ITPR1: variants seen among roughly 807,000 people sequenced by gnomAD.
The protein encoded by ITPR1 is inositol 1,4,5-trisphosphate receptor type 1, also known as inositol 1,4,5-trisphosphate-gated calcium channel ITPR1.
Under a neutral mutation model 318.4 loss-of-function variants are expected in ITPR1, and 96 were observed. The ratio of observed to expected loss-of-function variants is 0.30; its 90% CI spans 0.26 to 0.36. The LOEUF (loss-of-function observed/expected upper bound fraction) is 0.36. Ranked by LOEUF, ITPR1 falls within the 10% of genes least tolerant of loss-of-function variation. ITPR1 has a pLI of 1.00. For synonymous variants in ITPR1, 1,312 were observed against 1,289.9 expected (o/e 1.02, Z -0.37); for missense variants, 2,440 against 3,460.2 (o/e 0.71, Z 7.40).
intron 2 of ITPR1, among the ~76,000 whole-genome samples, chr3:4,500,739 T>A (rs1013425726): frequency 3.9e-5 from 6 of 152,210 alleles, no homozygotes. Context: ...GGCTAAGACA[T>A]CATTGTTCTC....
At chr3:4,715,467 T>C (rs1424765958) in intron 39 of ITPR1, among the ~76,000 whole-genome samples, 2 of 152,204 alleles carry the variant, frequency 1.3e-5, no homozygotes, top group African/African-American at 4.8e-5. Flanking sequence ...ACCTGTAGTT[T>C]TGGTCAGTTC....
intron 40 of ITPR1, among the ~76,000 whole-genome samples, chr3:4,718,081 T>A (rs1215341565): frequency 2.0e-5 from 3 of 152,260 alleles, no homozygotes; most frequent in Non-Finnish European, 2.9e-5. Context: ...CCATGGAGAC[T>A]GACTAGTGGT....
At chr3:4,544,676 A>T (rs2084793594) in intron 4 of ITPR1, among the ~76,000 whole-genome samples, 1 of 152,188 alleles carries the variant, frequency 6.6e-6, no homozygotes. Flanking sequence ...GACATTGCTA[A>T]CTTCGTAAAG....
At position 4,642,248 on chromosome 3, in the gene ITPR1, C is replaced by T; in HGVS notation, c.522C>T (p.Asp174=). Residue 174 remains aspartate, a synonymous_variant, in exon 7 of 62, where the codon GAC becomes GAT. Coordinates refer to ENST00000649015, the MANE Select transcript of ITPR1 (RefSeq NM_001378452.1). ...QPFYKLRSIG[D]SVVIGDKVVL... ...TCTACAAGCTGCGATCCATTGGAGA[C>T]AGCGTAAGTGCGGATTCTCCACCTA... is the stretch of plus-strand genomic sequence containing the variant. 2 of 1,558,956 alleles carry T rather than the reference C, an allele frequency of 1.3e-6. No homozygotes were observed. The highest frequency in any genetic ancestry group is 1.7e-6 in the Non-Finnish European group (2 of 1,154,790).
chr3:4,788,801 A>G (rs972486609), intron 52 of ITPR1, among the ~76,000 whole-genome samples: 2 of 152,194 alleles, frequency 1.3e-5, no homozygotes, highest in African/African-American at 4.8e-5. Context: ...GTTGAGACCA[A>G]CTTAAAAAGG....
Position 4,846,622 on chromosome 3 carries a change from C to T in ITPR1, c.*397C>T, listed in dbSNP as rs2051800076. ...TGCAATCACAATACATTTGTAGCTC[C>T]CGAGTGTCCTAAAGGGAGTGCACTT... is the stretch of plus-strand genomic sequence containing the variant. On this transcript the variant is annotated 3_prime_UTR_variant, in exon 62 of 62. Transcript: ENST00000649015. The T allele has an allele frequency of 6.4e-6, 1 of 156,068 alleles. No homozygotes were observed. Among genetic ancestry groups the T allele is most frequent in the African/African-American group, 2.4e-5 (1 of 41,490 alleles). 9.7% of individuals were successfully genotyped at this position (156,068 alleles called of 1,614,324 possible). A position where few individuals can be genotyped will look rare whatever the true frequency, so the allele number is the denominator to read the frequency against.
chr3:4,805,763 A>G (rs931983945), intron 54 of ITPR1, among the ~76,000 whole-genome samples: 5 of 152,244 alleles, frequency 3.3e-5, no homozygotes, highest in Non-Finnish European at 7.3e-5. Context: ...GTGTTTGACT[A>G]ACTCATACAA....
intron 2 of ITPR1, among the ~76,000 whole-genome samples, chr3:4,513,719 G>A (rs1241250753): frequency 6.6e-6 from 1 of 152,128 alleles, no homozygotes; most frequent in Non-Finnish European, 1.5e-5. Flanking sequence ...ATAATCATCC[G>A]GAGTATAAGA....
chr3:4,808,678 C>G (rs58968433), intron 55 of ITPR1, among the ~76,000 whole-genome samples: 2,995 of 152,306 alleles, frequency 0.02, 107 homozygotes, highest in African/African-American at 0.067. Context: ...CCAGAAAACA[C>G]TGACACTTCA....
At chr3:4,632,424 G>T (rs1181073254) in intron 5 of ITPR1, among the ~76,000 whole-genome samples, 1 of 152,148 alleles carries the variant, frequency 6.6e-6, no homozygotes, top group Non-Finnish European at 1.5e-5. Context: ...GGGCTTGGTG[G>T]GTAGTGTTGC....
chr3:4,670,242 G>A (rs2094043927), intron 19 of ITPR1, among the ~76,000 whole-genome samples: 2 of 152,180 alleles, frequency 1.3e-5, no homozygotes, highest in African/African-American at 4.8e-5. Context: ...GAGAAGTACA[G>A]TGCCGGTAAT....
intron 60 of ITPR1, among the ~76,000 whole-genome samples, chr3:4,818,844 C>T (rs545878377): frequency 1.3e-5 from 2 of 152,166 alleles, no homozygotes; most frequent in Admixed American, 6.5e-5. Context: ...GAACACTTCT[C>T]GGGCAGAGTT....
In ITPR1 at chr3:4,735,623, C is replaced by G. The variant is rs1337093903; in HGVS notation, c.5544+269C>G. ...AAGGAAACTGGCCTAAGATCTGGCA[C>G]ATAGTGGGCACTCCATAAATGTTTG... On this transcript the variant is annotated intron_variant, in intron 44 of 61. Transcript: ENST00000649015. The G allele has an allele frequency of 3.1e-5, 14 of 448,602 alleles. 1 individual carries two copies. The highest frequency in any genetic ancestry group is 5.6e-5 in the Non-Finnish European group (14 of 249,302). The allele number at this position is 448,602 out of a possible 1,614,324, so 27.8% of individuals were successfully genotyped here. A position where few individuals can be genotyped will look rare whatever the true frequency, so the allele number is the denominator to read the frequency against.
intron 60 of ITPR1, among the ~76,000 whole-genome samples, chr3:4,827,242 C>T (rs571498677): frequency 8.5e-5 from 13 of 152,332 alleles, no homozygotes; most frequent in South Asian, 2.1e-4. Context: ...TACTTCCAGA[C>T]GTCCTAACTA....
intron 4 of ITPR1, among the ~76,000 whole-genome samples, chr3:4,587,972 G>A (rs1389855678): frequency 9.3e-3 from 2 of 214 alleles, no homozygotes; most frequent in Non-Finnish European, 0.017. Context: ...TTCTCCCTAA[G>A]CATATTTACT....
At chr3:4,724,492 A>G (rs1312667602) in intron 40 of ITPR1, 1 of 152,184 alleles carries the variant, frequency 6.6e-6, no homozygotes, top group Non-Finnish European at 1.5e-5. Flanking sequence ...AGTGTGCTGG[A>G]GCCCTGTTAG....
At chr3:4,694,516 G>C (rs573074396) in intron 33 of ITPR1, among the ~76,000 whole-genome samples, 1 of 152,036 alleles carries the variant, frequency 6.6e-6, no homozygotes, top group African/African-American at 2.4e-5. Flanking sequence ...TGAGAAATGC[G>C]TTCTTCGGTG....
Position 4,507,886 on chromosome 3 carries a change from A to G in ITPR1, c.-16-8590A>G, listed in dbSNP as rs115461989. ...AGAAGCTTTTAATAATAGATGAGCT[A>G]TATTCTGTGCTAGCCAGCTTCACTG... On this transcript the variant is annotated intron_variant, in intron 2 of 61. Transcript: ENST00000649015. Among the ~76,000 whole-genome samples the G allele has an allele frequency of 3.0e-3, 452 of 152,360 alleles. 2 individuals are homozygous for G. Among genetic ancestry groups the G allele is most frequent in the African/African-American group, 0.01 (426 of 41,582 alleles).
At position 4,763,951 on chromosome 3, in the gene ITPR1, C is replaced by A. The variant is rs1482764732; in HGVS notation, c.5545-2579C>A. On this transcript the variant is annotated intron_variant, in intron 44 of 61. Transcript: ENST00000649015. Reference sequence around the variant, plus strand: ...GAAGGGCTTTTGTTTCCTTGAATGACCAGATTGTCCCAAAATGCTTTTAAA... The same window carrying A: ...GAAGGGCTTTTGTTTCCTTGAATGAACAGATTGTCCCAAAATGCTTTTAAA... Among the ~76,000 whole-genome samples the A allele has an allele frequency of 2.0e-5, 3 of 152,222 alleles. No individual in the cohort carries two copies. In the East Asian group the frequency reaches 5.8e-4, roughly 29 times the overall value.
Sources: allele counts gnomAD v4.1 joint callset (sites outside exome capture counted in the v4.1 genomes callset), GRCh38; gene constraint gnomAD v4.1.1; transcripts MANE v1.5; gene names NCBI Gene and HGNC (gene_info 2026-07-23, HGNC 2026-07-21).